LSAMP: variants seen among roughly 807,000 people sequenced by gnomAD.
LSAMP encodes the protein limbic system associated membrane protein.
A neutral mutation model predicts 38.6 loss-of-function variants in LSAMP; 7 were observed. The observed-to-expected ratio is 0.18, with a 90% CI of 0.10 to 0.34. The LOEUF (loss-of-function observed/expected upper bound fraction) is 0.34, where lower values mean the gene tolerates loss of function less well. Among genes scored for constraint, LSAMP ranks in the 10% least tolerant of loss-of-function variants. The pLI, the probability that LSAMP is intolerant of heterozygous loss-of-function variation, is 1.00. For synonymous variants in LSAMP, 154 were observed against 166.8 expected (o/e 0.92, Z 0.59); for missense variants, 313 against 420.0 (o/e 0.75, Z 2.23).
intron 1 of LSAMP, among the ~76,000 whole-genome samples, chr3:116,223,555 A>C (rs1416376654): frequency 6.6e-6 from 1 of 152,200 alleles, no homozygotes; most frequent in Non-Finnish European, 1.5e-5. Flanking sequence ...TAAGTAGAAA[A>C]ACAGACCGTA....
chr3:116,008,914 T>C (rs578233843), intron 3 of LSAMP, among the ~76,000 whole-genome samples: 95 of 152,240 alleles, frequency 6.2e-4, no homozygotes, highest in African/African-American at 2.1e-3. Flanking sequence ...GGGTCAGGGA[T>C]GGGACCCAAT....
At chr3:115,840,340 G>T (rs1228208613) in intron 6 of LSAMP, among the ~76,000 whole-genome samples, 1 of 151,926 alleles carries the variant, frequency 6.6e-6, no homozygotes, top group East Asian at 1.9e-4. Flanking sequence ...GTTGAGGCTG[G>T]TTCCCCCCGC....
chr3:115,972,466 G>A (rs7642612), intron 3 of LSAMP, among the ~76,000 whole-genome samples: 40,474 of 151,432 alleles, frequency 0.27, 6,564 homozygotes, highest in African/African-American at 0.46. Flanking sequence ...ATTTTAATAC[G>A]TTTAAAATAT....
At chr3:116,007,795 G>A (rs539148138) in intron 3 of LSAMP, among the ~76,000 whole-genome samples, 1 of 152,242 alleles carries the variant, frequency 6.6e-6, no homozygotes, top group African/African-American at 2.4e-5. Flanking sequence ...TCAAAAAGAA[G>A]TGTTTTCTCT....
chr3:116,330,557 C>T (rs1030754846), intron 1 of LSAMP, among the ~76,000 whole-genome samples: 6 of 151,908 alleles, frequency 3.9e-5, no homozygotes, highest in South Asian at 2.1e-4. Flanking sequence ...CTCCCCCCCC[C>T]ACAACCTTTT....
At chr3:116,150,575 G>T (rs1407406667) in intron 1 of LSAMP, among the ~76,000 whole-genome samples, 2 of 151,978 alleles carry the variant, frequency 1.3e-5, no homozygotes, top group African/African-American at 4.8e-5. Flanking sequence ...GCTGGCCAGA[G>T]AAAAAGCTAG....
chr3:116,070,830 G>A (rs1559730854), intron 2 of LSAMP, among the ~76,000 whole-genome samples: 5 of 151,898 alleles, frequency 3.3e-5, no homozygotes, highest in Admixed American at 3.3e-4. Flanking sequence ...CACCTGAGGT[G>A]GGGAGTTCGA....
At chr3:115,893,814 G>T (rs928568212) in intron 3 of LSAMP, among the ~76,000 whole-genome samples, 1 of 151,896 alleles carries the variant, frequency 6.6e-6, no homozygotes, top group Admixed American at 6.6e-5. Context: ...CACCCAATTT[G>T]TGTTCTTCTT....
intron 1 of LSAMP, among the ~76,000 whole-genome samples, chr3:116,320,023 C>T (rs1213985535): frequency 2.0e-5 from 3 of 152,276 alleles, no homozygotes; most frequent in Admixed American, 2.0e-4. Context: ...AAGCCCCCAA[C>T]TCCTACTCCC....
Position 115,807,439 on chromosome 3 carries a change from C to G in LSAMP, c.*2878G>C, listed in dbSNP as rs1451202977. ...TAATATATGGTCCATTATATTAAAA[C>G]TGAGGGAACAAACGGTGCTGACATG... On this transcript the variant is annotated 3_prime_UTR_variant, in exon 7 of 7. Coordinates refer to ENST00000490035, the MANE Select transcript of LSAMP (RefSeq NM_002338.5). 4 of 152,064 alleles carry G rather than the reference C, an allele frequency of 2.6e-5. No individual in the cohort carries two copies. Among genetic ancestry groups the G allele is most frequent in the African/African-American group, 9.7e-5 (4 of 41,410 alleles). 9.4% of individuals were successfully genotyped at this position (152,064 alleles called of 1,614,324 possible). A position where few individuals can be genotyped will look rare whatever the true frequency, so the allele number is the denominator to read the frequency against.
intron 3 of LSAMP, among the ~76,000 whole-genome samples, chr3:115,907,788 T>G (rs1321413445): frequency 6.6e-6 from 1 of 152,162 alleles, no homozygotes; most frequent in Non-Finnish European, 1.5e-5. Flanking sequence ...ATCACAGATT[T>G]TTGTGTGAAG....
chr3:116,319,614 T>C (rs1192565001), intron 1 of LSAMP, among the ~76,000 whole-genome samples: 6 of 152,228 alleles, frequency 3.9e-5, no homozygotes, highest in East Asian at 3.9e-4. Flanking sequence ...AGTGTGTACA[T>C]GAGAAAGAAA....
At chr3:116,254,555 A>C (rs1426768051) in intron 1 of LSAMP, among the ~76,000 whole-genome samples, 1 of 152,090 alleles carries the variant, frequency 6.6e-6, no homozygotes, top group African/African-American at 2.4e-5. Context: ...GAATAAACAA[A>C]ACCAATTCCC....
chr3:116,308,808 A>G (rs1184230346), intron 1 of LSAMP, among the ~76,000 whole-genome samples: 1 of 152,122 alleles, frequency 6.6e-6, no homozygotes, highest in Non-Finnish European at 1.5e-5. Context: ...ATACTATTTC[A>G]AAGGGTTAAG....
chr3:115,825,771 G>A (rs1576115388), intron 6 of LSAMP, among the ~76,000 whole-genome samples: 1 of 152,182 alleles, frequency 6.6e-6, no homozygotes, highest in African/African-American at 2.4e-5. Flanking sequence ...GGGTAATTGG[G>A]ATATCCATCA....
At chr3:116,327,711 C>T (rs1052394462) in intron 1 of LSAMP, among the ~76,000 whole-genome samples, 5 of 152,072 alleles carry the variant, frequency 3.3e-5, no homozygotes, top group Non-Finnish European at 5.9e-5. Flanking sequence ...GAATGTCAGT[C>T]CCTAATAACA....
chr3:115,966,855 A>G (rs1938832033), intron 3 of LSAMP, among the ~76,000 whole-genome samples: 1 of 152,214 alleles, frequency 6.6e-6, no homozygotes, highest in African/African-American at 2.4e-5. Flanking sequence ...CCTAAATTTC[A>G]GGATAGTGAT....
At chr3:116,260,403 T>C (rs2046809176) in intron 1 of LSAMP, among the ~76,000 whole-genome samples, 1 of 151,876 alleles carries the variant, frequency 6.6e-6, no homozygotes, top group Non-Finnish European at 1.5e-5. Flanking sequence ...TCGAATAATA[T>C]ATAAATAATA....
intron 1 of LSAMP, among the ~76,000 whole-genome samples, chr3:116,129,488 A>C (rs1022460484): frequency 3.3e-5 from 5 of 152,220 alleles, no homozygotes; most frequent in Non-Finnish European, 7.3e-5. Flanking sequence ...TATTTACAAA[A>C]AGGAAATCTG....
Sources: gnomAD v4.1 joint callset for allele counts (sites outside exome capture counted in the v4.1 genomes callset) on GRCh38, gnomAD v4.1.1 for gene constraint, MANE v1.5 for transcripts, NCBI Gene and HGNC (gene_info 2026-07-23, HGNC 2026-07-21) for gene names.